The following GAS7 variants were observed in gnomAD, a reference collection of about 807,000 sequenced individuals.
GAS7 encodes the protein growth arrest-specific protein 7.
Under a neutral mutation model 71.1 loss-of-function variants are expected in GAS7, and 28 were observed. That is an observed-to-expected ratio of 0.39 (90% CI 0.29 to 0.54). GAS7 has a LOEUF of 0.54. Ranked by LOEUF, GAS7 falls within the 20% of genes least tolerant of loss-of-function variation. The pLI is 0.62. For synonymous variants in GAS7, 258 were observed against 245.8 expected, an observed-to-expected ratio of 1.05 and a Z score of -0.46; for missense variants, 436 against 627.8, an observed-to-expected ratio of 0.69 and a Z score of 3.27.
chr17:10,098,327 A>G (rs1431273943), intron 1 of GAS7, among the ~76,000 whole-genome samples: 1 of 152,202 alleles, frequency 6.6e-6, no homozygotes, highest in Admixed American at 6.5e-5. Flanking sequence ...ACCTCCAGCC[A>G]CAACTCTCCA....
chr17:10,014,541 C>T (rs1279184388), intron 2 of GAS7, among the ~76,000 whole-genome samples: 4 of 152,150 alleles, frequency 2.6e-5, no homozygotes, highest in Non-Finnish European at 5.9e-5. Context: ...ATGCCAAACA[C>T]ATCCGCTGTT....
At chr17:10,051,413 C>G (rs2073060691) in intron 1 of GAS7, among the ~76,000 whole-genome samples, 1 of 152,204 alleles carries the variant, frequency 6.6e-6, no homozygotes, top group East Asian at 1.9e-4. Flanking sequence ...GACTAGAATT[C>G]AAAGAAACAT....
chr17:10,002,936 T>C (rs1457726536), intron 2 of GAS7, among the ~76,000 whole-genome samples: 4 of 152,222 alleles, frequency 2.6e-5, no homozygotes, highest in Admixed American at 6.5e-5. Flanking sequence ...AGCAATAGGA[T>C]GGCTGGGTCA....
intron 1 of GAS7, among the ~76,000 whole-genome samples, chr17:10,029,685 C>T (rs957672351): frequency 3.9e-4 from 60 of 152,022 alleles, no homozygotes; most frequent in African/African-American, 1.4e-3. Flanking sequence ...AACTCCATCA[C>T]CACAAAAAAT....
chr17:9,976,871 A>G (rs992366956), intron 3 of GAS7, among the ~76,000 whole-genome samples: 8 of 152,234 alleles, frequency 5.3e-5, no homozygotes, highest in Non-Finnish European at 1.0e-4. Context: ...TCAGAAAGGT[A>G]TTCACTTTCC....
At chr17:9,994,486 A>G (rs1210660512) in intron 2 of GAS7, among the ~76,000 whole-genome samples, 1 of 144,630 alleles carries the variant, frequency 6.9e-6, no homozygotes, top group Admixed American at 6.8e-5. Flanking sequence ...ATATGTAGAA[A>G]GCTGAAACTG....
intron 5 of GAS7, among the ~76,000 whole-genome samples, chr17:9,955,974 T>C (rs8074549): frequency 0.088 from 13,357 of 152,144 alleles, 1,954 homozygotes; most frequent in African/African-American, 0.3. Context: ...CAGAAGCACA[T>C]GGGCTGCCTC....
At chr17:10,005,062 T>TGTGTATGCACGCATACATGC (rs535050897) in intron 2 of GAS7, among the ~76,000 whole-genome samples, 2 of 143,490 alleles carry the variant, frequency 1.4e-5, no homozygotes, top group East Asian at 4.1e-4. Flanking sequence ...CACATATATG[T>TGTGTATGCACGCATACATGC]GTGTATGCAC....
intron 9 of GAS7, among the ~76,000 whole-genome samples, chr17:9,929,259 G>T (rs1218158171): frequency 2.0e-5 from 3 of 152,148 alleles, no homozygotes; most frequent in Non-Finnish European, 4.4e-5. Context: ...GCCCAGGAAT[G>T]ACCTGAAGAG....
At chr17:10,155,824 G>C (rs749758908) in intron 1 of GAS7, among the ~76,000 whole-genome samples, 2 of 152,104 alleles carry the variant, frequency 1.3e-5, no homozygotes, top group Non-Finnish European at 2.9e-5. Context: ...GTATTATAAT[G>C]GTCCTATTTC....
At chr17:9,935,761 C>T (rs1023677517) in intron 8 of GAS7, among the ~76,000 whole-genome samples, 3 of 152,198 alleles carry the variant, frequency 2.0e-5, no homozygotes, top group Admixed American at 2.0e-4. Context: ...CCTCAGTGAT[C>T]CTGGCAGGGG....
At chr17:9,986,105 C>T (rs558677071) in intron 2 of GAS7, among the ~76,000 whole-genome samples, 6 of 152,222 alleles carry the variant, frequency 3.9e-5, no homozygotes, top group South Asian at 4.1e-4. Flanking sequence ...CTCTCAAATA[C>T]GGCACCTGGC....
chr17:9,924,371 C>T (rs2067921692), intron 11 of GAS7, among the ~76,000 whole-genome samples: 1 of 152,084 alleles, frequency 6.6e-6, no homozygotes, highest in Non-Finnish European at 1.5e-5. Flanking sequence ...AGATGAGGTA[C>T]TATGTTGCCC....
At chr17:9,950,446 A>G (rs914288096) in intron 5 of GAS7, among the ~76,000 whole-genome samples, 1 of 152,222 alleles carries the variant, frequency 6.6e-6, no homozygotes, top group Non-Finnish European at 1.5e-5. Context: ...TGGGAGGTTG[A>G]GGCTGCAGTG....
At chr17:10,058,852 C>T (rs933598344) in intron 1 of GAS7, among the ~76,000 whole-genome samples, 2 of 152,196 alleles carry the variant, frequency 1.3e-5, no homozygotes, top group Non-Finnish European at 2.9e-5. Flanking sequence ...AATGGTCACA[C>T]AGGTAGAAAG....
intron 1 of GAS7, among the ~76,000 whole-genome samples, chr17:10,080,751 T>C (rs774489814): frequency 2.0e-4 from 30 of 152,234 alleles, no homozygotes; most frequent in Non-Finnish European, 3.8e-4. Context: ...GAGGTAATCC[T>C]AGAATTCACA....
In GAS7 at chr17:9,996,876, G is replaced by C. The variant is rs367719384; in HGVS notation, c.305-14992C>G. Among the ~76,000 whole-genome samples the C allele has an allele frequency of 5.7e-4, 86 of 151,266 alleles. 1 individual carries two copies. The highest frequency in any genetic ancestry group is 3.7e-3 in the South Asian group (18 of 4,814). On this transcript the variant is annotated intron_variant, in intron 2 of 13. Coordinates refer to ENST00000432992, the MANE Select transcript of GAS7 (RefSeq NM_201433.2). ...GCTGGTCTCGAACTCCTGATCTCAG[G>C]TGATCTGCCCACCTCGGCCTCCCAA...
intron 1 of GAS7, among the ~76,000 whole-genome samples, chr17:10,074,881 G>A (rs958436631): frequency 6.6e-6 from 1 of 151,156 alleles, no homozygotes; most frequent in Non-Finnish European, 1.5e-5. Flanking sequence ...ATAAACATTA[G>A]CAAATCCTGG....
At chr17:10,063,864 G>A (rs947742894) in intron 1 of GAS7, among the ~76,000 whole-genome samples, 1 of 152,126 alleles carries the variant, frequency 6.6e-6, no homozygotes, top group South Asian at 2.1e-4. Context: ...CGGGTGGTGA[G>A]GGGGGCAGAG....
Sources: gnomAD v4.1 joint callset for allele counts (sites outside exome capture counted in the v4.1 genomes callset) on GRCh38, gnomAD v4.1.1 for gene constraint, MANE v1.5 for transcripts, NCBI Gene and HGNC (gene_info 2026-07-23, HGNC 2026-07-21) for gene names.